CPNE2: variants seen among roughly 807,000 people sequenced by gnomAD.
CPNE2 encodes the protein copine 2.
A neutral mutation model predicts 69.7 loss-of-function variants in CPNE2; 42 were observed. The ratio of observed to expected loss-of-function variants is 0.60; its 90% confidence interval spans 0.47 to 0.78. The LOEUF (loss-of-function observed/expected upper bound fraction) is 0.78. Among genes scored for constraint, CPNE2 ranks in the 30% least tolerant of loss-of-function variants. CPNE2 has a pLI of 0.00. For synonymous variants in CPNE2, 294 were observed against 289.8 expected (o/e 1.01, Z -0.15); for missense variants, 587 against 732.0 (o/e 0.80, Z 2.29).
At chr16:57,134,666 G>A in intron 12 of CPNE2, 109 bp from the exon 13 acceptor site, 1 of 1,136,988 alleles carries the variant, frequency 8.8e-7, no homozygotes, top group Middle Eastern at 2.0e-4. Flanking sequence ...TAGGGGTGGG[G>A]GTTATGAGCC....
chr16:57,121,635 A>C, intron 8 of CPNE2, 39 bp from the exon 9 acceptor site: 1 of 1,591,738 alleles, frequency 6.3e-7, no homozygotes, highest in Non-Finnish European at 8.6e-7. Context: ...TTTCCAAAGA[A>C]GCCCCGAGGT....
Position 57,092,623 on chromosome 16 carries a change from G to T in CPNE2, c.-203G>T, listed in dbSNP as rs2069550865. The T allele has an allele frequency of 6.7e-6, 1 of 149,232 alleles. No individual in the cohort carries two copies. Among genetic ancestry groups the T allele is most frequent in the African/African-American group, 2.4e-5 (1 of 41,106 alleles). The allele number at this position is 149,232 out of a possible 1,614,324, so 9.2% of individuals were successfully genotyped here. On this transcript the variant is annotated 5_prime_UTR_variant, in exon 1 of 16. Transcript: ENST00000290776. The surrounding 1 kb of genome is among the most constrained non-coding windows in gnomAD (Gnocchi z 5.3). ...CCGGGAGGAGGACCGGACCCCGAGC[G>T]GCTGGGAGCGCACGCGAGCGGGCCG...
At chr16:57,117,601 ACAGTAGCCCC>A (rs1376667148) in intron 5 of CPNE2, 34 bp downstream of exon 5, 2 of 1,607,596 alleles carry the variant, frequency 1.2e-6, no homozygotes, top group Non-Finnish European at 1.7e-6. Flanking sequence ...CCCATTGGGA[ACAGTAGCCCC>A]CACCAGCCCC....
At chr16:57,095,965 C>A (rs1402922122) in intron 1 of CPNE2, among the ~76,000 whole-genome samples, 1 of 152,234 alleles carries the variant, frequency 6.6e-6, no homozygotes, top group Non-Finnish European at 1.5e-5. Flanking sequence ...GGTGTCAGAT[C>A]CACAAAAAGG....
intron 1 of CPNE2, among the ~76,000 whole-genome samples, chr16:57,102,061 T>C (rs1384158009): frequency 6.6e-6 from 1 of 151,252 alleles, no homozygotes; most frequent in Non-Finnish European, 1.5e-5. Flanking sequence ...ATTCCCCCCA[T>C]CTCAGCCTCC....
chr16:57,132,696 A>G (rs903332561), intron 12 of CPNE2, among the ~76,000 whole-genome samples: 2 of 152,132 alleles, frequency 1.3e-5, no homozygotes, highest in Non-Finnish European at 2.9e-5. Flanking sequence ...GACTTTTCTC[A>G]GGCAAACCAG....
At chr16:57,125,756 T>A in intron 10 of CPNE2, 104 bp from the exon 11 acceptor site, 1 of 1,409,562 alleles carries the variant, frequency 7.1e-7, no homozygotes, top group Non-Finnish European at 9.7e-7. Flanking sequence ...GGCTGGGAGA[T>A]GAGTGGGCTT....
intron 3 of CPNE2, 45 bp downstream of exon 3, chr16:57,113,512 G>A: frequency 3.2e-6 from 5 of 1,580,398 alleles, no homozygotes; most frequent in Non-Finnish European, 4.3e-6. Flanking sequence ...CAAAGACCGG[G>A]CAACCCCTCA....
At chr16:57,115,149 A>G (rs1238538592) in intron 3 of CPNE2, among the ~76,000 whole-genome samples, 1 of 152,052 alleles carries the variant, frequency 6.6e-6, no homozygotes, top group Non-Finnish European at 1.5e-5. Flanking sequence ...GGGTCTGTGG[A>G]ATGCCTCTGG....
At chr16:57,118,167 C>CTT (rs375042587) in intron 5 of CPNE2, among the ~76,000 whole-genome samples, 17 of 135,954 alleles carry the variant, frequency 1.3e-4, no homozygotes, top group Non-Finnish European at 1.9e-4. Context: ...TACTTTCTTT[C>CTT]TTTTTTTTTT....
chr16:57,099,074 G>A (rs1338266838), intron 1 of CPNE2, among the ~76,000 whole-genome samples: 1 of 152,076 alleles, frequency 6.6e-6, no homozygotes, highest in Non-Finnish European at 1.5e-5. Flanking sequence ...AAACAGACAC[G>A]ACCAGCACCA....
intron 7 of CPNE2, 126 bp from the exon 8 acceptor site, chr16:57,120,967 C>A: frequency 1.6e-6 from 1 of 629,470 alleles, no homozygotes; most frequent in South Asian, 2.0e-5. Context: ...TCCAGGCCAG[C>A]TAGGCAGATG....
chr16:57,114,501 A>C (rs1433305291), intron 3 of CPNE2, among the ~76,000 whole-genome samples: 2 of 152,144 alleles, frequency 1.3e-5, no homozygotes, highest in African/African-American at 4.8e-5. Flanking sequence ...AACTGGCTGA[A>C]CCTCTGAAAG....
intron 3 of CPNE2, 124 bp from the exon 4 acceptor site, chr16:57,115,350 GGT>G: frequency 1.4e-6 from 1 of 709,816 alleles, no homozygotes; most frequent in Admixed American, 2.3e-5. Flanking sequence ...TGCTCAGGCG[GGT>G]CACCAGCCAG....
At position 57,113,449 on chromosome 16, in the gene CPNE2, C is replaced by T. The variant is rs141359345; in HGVS notation, c.342C>T (p.Phe114=). ...RLDEHDFLGQ[F]SCSLGTIVSS... ...ACGAGCATGACTTCCTGGGCCAGTT[C>T]TCCTGCAGCCTGGGCACGGTGAGCT... The change falls in exon 3 of 16, where the codon TTC becomes TTT. Residue 114 remains phenylalanine, a synonymous_variant. Coordinates refer to ENST00000290776, the MANE Select transcript of CPNE2 (RefSeq NM_152727.6). 68 of 1,613,616 alleles carry T rather than the reference C, an allele frequency of 4.2e-5. No individual in the cohort carries two copies. Among genetic ancestry groups the T allele is most frequent in the Admixed American group, 6.7e-5 (4 of 59,960 alleles).
chr16:57,146,332 G>A lies in CPNE2; in HGVS notation c.1539+11G>A. 1 of 1,540,570 alleles carries A rather than the reference G, an allele frequency of 6.5e-7. No homozygotes were observed. Among genetic ancestry groups the A allele is most frequent in the Non-Finnish European group, 8.8e-7 (1 of 1,138,926 alleles). On this transcript the variant is annotated intron_variant, in intron 15 of 15. Coordinates refer to ENST00000290776, the MANE Select transcript of CPNE2 (RefSeq NM_152727.6). The surrounding 1 kb of genome is among the most constrained non-coding windows in gnomAD (Gnocchi z 4.4). ...CGAGAGTTCCGCAACGTGAGTGTGG[G>A]CCTGGGCTGGGAGGGGGCGGTTACA...
intron 3 of CPNE2, 144 bp downstream of exon 3, chr16:57,113,611 G>A (rs1052523492): frequency 9.1e-6 from 8 of 878,740 alleles, no homozygotes; most frequent in African/African-American, 5.1e-5. Flanking sequence ...CAGTCTTGGC[G>A]GGTTCAAGGC....
At chr16:57,108,152 G>A (rs1298871050) in intron 1 of CPNE2, among the ~76,000 whole-genome samples, 2 of 152,186 alleles carry the variant, frequency 1.3e-5, no homozygotes, top group Non-Finnish European at 2.9e-5. Context: ...TTACAGGCAT[G>A]AGCCCACCAT....
At chr16:57,121,871 C>G in intron 9 of CPNE2, 111 bp downstream of exon 9, 5 of 960,776 alleles carry the variant, frequency 5.2e-6, no homozygotes, top group Non-Finnish European at 8.1e-6. Flanking sequence ...AATCCCGGCT[C>G]TGCCACATCC....
Sources: gnomAD v4.1 joint callset for allele counts (sites outside exome capture counted in the v4.1 genomes callset) on GRCh38, gnomAD v4.1.1 for gene constraint, Gnocchi (gnomAD v3.1) non-coding constraint, MANE v1.5 for transcripts, NCBI Gene and HGNC (gene_info 2026-07-23, HGNC 2026-07-21) for gene names.